Variants in PTK2 observed in about 807,000 individuals in gnomAD.
The protein encoded by PTK2 is focal adhesion kinase 1.
PTK2 carries 45 observed loss-of-function variants against 150.1 expected under a neutral mutation model. The observed-to-expected ratio is 0.30, with a 90% CI of 0.24 to 0.38. The LOEUF is 0.38. Among genes scored for constraint, PTK2 ranks in the 10% least tolerant of loss-of-function variants. The pLI is 1.00. For missense variants in PTK2, 919 were observed against 1,307.3 expected, an observed-to-expected ratio of 0.70 and a Z score of 4.58; for synonymous variants, 432 against 449.2, an observed-to-expected ratio of 0.96 and a Z score of 0.48.
intron 2 of PTK2, among the ~76,000 whole-genome samples, chr8:140,898,239 G>C (rs1288956843): frequency 1.3e-5 from 2 of 152,198 alleles, no homozygotes; most frequent in South Asian, 2.1e-4. Context: ...TCAAATTGCT[G>C]TAAGGTGTCT....
At chr8:140,905,351 C>CAAAA in intron 2 of PTK2, among the ~76,000 whole-genome samples, 1 of 146,858 alleles carries the variant, frequency 6.8e-6, no homozygotes. Context: ...ACATGGAAAG[C>CAAAA]AAAAAAAAAA....
At chr8:140,786,742 T>C (rs149589639) in intron 14 of PTK2, among the ~76,000 whole-genome samples, 1 of 152,146 alleles carries the variant, frequency 6.6e-6, no homozygotes, top group Non-Finnish European at 1.5e-5. Context: ...GAACAATTAA[T>C]GCCATGTCAT....
intron 1 of PTK2, among the ~76,000 whole-genome samples, chr8:140,953,943 G>C (rs1036029350): frequency 6.7e-6 from 1 of 149,764 alleles, no homozygotes; most frequent in African/African-American, 2.4e-5. Flanking sequence ...CAGAGACAAG[G>C]TCTTGTTGTT....
Position 140,969,549 on chromosome 8 carries a change from C to T in PTK2, c.-122+31576G>A, listed in dbSNP as rs576428531. Among the ~76,000 whole-genome samples, 9 of 152,260 alleles carry T rather than the reference C, an allele frequency of 5.9e-5. No homozygotes were observed. In the South Asian group the frequency reaches 6.2e-4, roughly 11 times the overall value. ...TGCAACTGACAGGTAATTATTCCTG[C>T]TTCCCTTCTCTTGCTTTCCAGGACA... On this transcript the variant is annotated intron_variant, in intron 1 of 31. Coordinates refer to ENST00000522684, the Ensembl canonical transcript of PTK2.
chr8:140,907,842 G>A (rs2100161601), intron 2 of PTK2, among the ~76,000 whole-genome samples: 2 of 152,064 alleles, frequency 1.3e-5, no homozygotes, highest in East Asian at 1.9e-4. Context: ...CCACCAACCC[G>A]CTGCTGCCTC....
chr8:140,744,151 T>G (rs2100057381), intron 19 of PTK2, among the ~76,000 whole-genome samples: 1 of 152,022 alleles, frequency 6.6e-6, no homozygotes, highest in Non-Finnish European at 1.5e-5. Context: ...AATATGATAC[T>G]TGGCAAACAA....
At chr8:140,793,153 A>T (rs910840112) in intron 13 of PTK2, among the ~76,000 whole-genome samples, 1 of 152,244 alleles carries the variant, frequency 6.6e-6, no homozygotes, top group Non-Finnish European at 1.5e-5. Context: ...TAGAACTTAA[A>T]GGAAAAATTA....
chr8:140,863,651 C>T (rs985425581), intron 5 of PTK2, among the ~76,000 whole-genome samples: 1 of 152,186 alleles, frequency 6.6e-6, no homozygotes, highest in African/African-American at 2.4e-5. Flanking sequence ...ACTGGGTCAG[C>T]AGACTCTTCT....
chr8:140,980,411 A>G (rs10099696), intron 1 of PTK2, among the ~76,000 whole-genome samples: 63,412 of 151,968 alleles, frequency 0.42, 15,159 homozygotes, highest in Non-Finnish European at 0.55. Flanking sequence ...TCACGAGGTC[A>G]GGAGATCGAG....
intron 1 of PTK2, among the ~76,000 whole-genome samples, chr8:140,985,062 T>G (rs374274839): frequency 2.6e-5 from 4 of 152,224 alleles, no homozygotes; most frequent in East Asian, 1.9e-4. Context: ...ATATTACCAG[T>G]TAATAGGAAA....
intron 14 of PTK2, among the ~76,000 whole-genome samples, chr8:140,787,342 A>G (rs1236484410): frequency 1.3e-5 from 2 of 152,212 alleles, no homozygotes; most frequent in African/African-American, 4.8e-5. Flanking sequence ...ACAACAAGAA[A>G]ACTATCTTAT....
chr8:140,820,154 C>T (rs73373531), intron 8 of PTK2, among the ~76,000 whole-genome samples: 2,686 of 122,786 alleles, frequency 0.022, 179 homozygotes, highest in African/African-American at 0.066. Context: ...GACTGGAGTG[C>T]GGTGGCGCAA....
chr8:140,825,164 C>T (rs997724007), intron 8 of PTK2, among the ~76,000 whole-genome samples: 2 of 152,142 alleles, frequency 1.3e-5, no homozygotes, highest in African/African-American at 2.4e-5. Flanking sequence ...ACATTAACAG[C>T]GCGTGAAGAG....
chr8:140,797,263 C>T (rs2100092215), intron 12 of PTK2, among the ~76,000 whole-genome samples: 2 of 152,086 alleles, frequency 1.3e-5, no homozygotes, highest in Non-Finnish European at 2.9e-5. Flanking sequence ...GTGTACATTC[C>T]TCTTTTTTAT....
chr8:140,970,848 TGAC>T (rs2100186980), intron 1 of PTK2, among the ~76,000 whole-genome samples: 1 of 53,442 alleles, frequency 1.9e-5, no homozygotes, highest in Non-Finnish European at 7.9e-5. Context: ...TTAAGTTGTC[TGAC>T]TACAACATGT....
intron 16 of PTK2, among the ~76,000 whole-genome samples, chr8:140,759,530 T>TAAAAAAAAAAAAAAAAA (rs761643170): frequency 1.7e-5 from 1 of 58,060 alleles, no homozygotes; most frequent in African/African-American, 7.9e-5. Flanking sequence ...GACCCTGTCC[T>TAAAAAAAAAAAAAAAAA]AAAAAAAAAA....
chr8:140,838,672 A>C (rs2100120294), intron 7 of PTK2, among the ~76,000 whole-genome samples: 1 of 152,172 alleles, frequency 6.6e-6, no homozygotes, highest in Non-Finnish European at 1.5e-5. Flanking sequence ...TTAAAAAGAG[A>C]CAGATTTAAA....
At chr8:140,832,307 A>T (rs1205786313) in intron 7 of PTK2, among the ~76,000 whole-genome samples, 1 of 152,168 alleles carries the variant, frequency 6.6e-6, no homozygotes, top group Non-Finnish European at 1.5e-5. Flanking sequence ...TGCCCGCTTC[A>T]GCCTCCCAAA....
intron 7 of PTK2, among the ~76,000 whole-genome samples, chr8:140,836,327 T>C (rs1320358778): frequency 2.0e-5 from 3 of 152,164 alleles, no homozygotes; most frequent in Non-Finnish European, 2.9e-5. Flanking sequence ...GTTTGTGTCC[T>C]TGAAAAGAAA....
Sources: gnomAD v4.1 joint callset for allele counts (sites outside exome capture counted in the v4.1 genomes callset) on GRCh38, gnomAD v4.1.1 for gene constraint, MANE v1.5 for transcripts, NCBI Gene and HGNC (gene_info 2026-07-23, HGNC 2026-07-21) for gene names.